TMEM63B: variants seen among roughly 807,000 people sequenced by gnomAD.
TMEM63B encodes mechanosensitive cation channel TMEM63B.
Under a neutral mutation model 102.6 loss-of-function variants are expected in TMEM63B, and 23 were observed. The observed-to-expected ratio is 0.22, with a 90% CI of 0.16 to 0.32. TMEM63B has a LOEUF of 0.32. TMEM63B is among the 10% of genes least tolerant of loss of function. The pLI, the probability that TMEM63B is intolerant of heterozygous loss-of-function variation, is 1.00. For missense variants in TMEM63B, 628 were observed against 1,095.9 expected (o/e 0.57, Z 6.03); for synonymous variants, 444 against 437.0 (o/e 1.02, Z -0.20).
rs188047823 is a variant in TMEM63B at position 44,148,408 on chromosome 6, G to A, written c.1121+23G>A. 4.0e-4 allele frequency: 639 copies of A among 1,614,098 alleles called. 5 individuals carry two copies. The African/African-American group carries it at 7.7e-3, about 20-fold the overall frequency. Reference sequence around the variant, plus strand: ...CATGTGAGTCCCCAACTCGGCCCTCGGCCCTGAGCAGCCCTCCAGGGCTCC... The same window carrying A: ...CATGTGAGTCCCCAACTCGGCCCTCAGCCCTGAGCAGCCCTCCAGGGCTCC... On this transcript the variant is annotated intron_variant, in intron 13 of 23. Coordinates refer to ENST00000323267, the MANE Select transcript of TMEM63B (RefSeq NM_018426.3). The surrounding 1 kb of genome is among the most constrained non-coding windows in gnomAD (Gnocchi z 5.1).
chr6:44,140,492 C>T (rs1316236154), intron 9 of TMEM63B, 132 bp downstream of exon 9: 1 of 742,640 alleles, frequency 1.3e-6, no homozygotes, highest in Admixed American at 2.0e-5. Context: ...CAGGAGCTCC[C>T]ATCCTGCAAG....
Position 44,150,185 on chromosome 6 carries a change from T to G in TMEM63B, c.1521-39T>G. 1 of 1,586,556 alleles carries G rather than the reference T, an allele frequency of 6.3e-7. No individual in the cohort carries two copies. The stretch of plus-strand genomic sequence containing the variant: ...GGGGGAGCAAGTCTGGGGCCTGGGC[T>G]CACTTGACCTGTACCGTTCCCTGCT... On this transcript the variant is annotated intron_variant, in intron 16 of 23. Transcript: ENST00000323267. The surrounding 1 kb of genome is among the most constrained non-coding windows in gnomAD (Gnocchi z 4.7).
rs534427517 is a variant in TMEM63B, at chr6:44,148,317, G to A, written c.1053G>A (p.Lys351=). The A allele has an allele frequency of 3.3e-5, 54 of 1,614,252 alleles. No individual in the cohort carries two copies. In the South Asian group the frequency reaches 3.5e-4, roughly 11 times the overall value. Reference sequence around the variant, plus strand: ...TGAAGGAAGACTACAAGCGGGAGAAGGAGAAGGTGAATGAGAAGCCTCTTG... The same window carrying A: ...TGAAGGAAGACTACAAGCGGGAGAAAGAGAAGGTGAATGAGAAGCCTCTTG... ...QKLKEDYKRE[K]EKVNEKPLGM... The change falls in exon 13 of 24, where the codon AAG becomes AAA. Residue 351 remains lysine (K), a synonymous_variant. Coordinates refer to ENST00000323267, the MANE Select transcript of TMEM63B (RefSeq NM_018426.3). This position sits in a 1 kb window ranked among gnomAD's most constrained non-coding sequence, Gnocchi z 5.1.
chr6:44,136,524 T>C (rs1442483002), intron 5 of TMEM63B, 85 bp downstream of exon 5: 1 of 959,804 alleles, frequency 1.0e-6, no homozygotes, highest in South Asian at 1.4e-5. Flanking sequence ...TTCAGTGATG[T>C]GGAGTCAGGG....
chr6:44,127,144 A>G (rs1424138357), upstream of TMEM63B: 1 of 132,088 alleles, frequency 7.6e-6, no homozygotes, highest in African/African-American at 2.6e-5. Context: ...GGATCCGGGT[A>G]AGGGGCCTCC....
chr6:44,154,011 AG>A, intron 21 of TMEM63B, 61 bp from the exon 22 acceptor site: 1 of 1,580,916 alleles, frequency 6.3e-7, no homozygotes, highest in South Asian at 1.1e-5. Context: ...AGAGGGTATC[AG>A]AAGCTGGGGT....
In TMEM63B at chr6:44,150,964, C is replaced by T. The variant is rs1766474828; in HGVS notation, c.1673+335C>T. ...CCCATATTCTGGGACTAACTGTGGG[C>T]GTCTCTGGAGTTCCACTTGGGAGGT... is the stretch of plus-strand genomic sequence containing the variant. On this transcript the variant is annotated intron_variant, in intron 18 of 23. Transcript: ENST00000323267. This position sits in a 1 kb window ranked among gnomAD's most constrained non-coding sequence, Gnocchi z 4.7. 1.3e-5 allele frequency among the ~76,000 whole-genome samples: 2 copies of T among 152,084 alleles called. No homozygotes were observed. Among genetic ancestry groups the T allele is most frequent in the South Asian group, 2.1e-4 (1 of 4,806 alleles).
chr6:44,146,774 T>C (rs1369121607), intron 10 of TMEM63B, 73 bp from the exon 11 acceptor site: 1 of 1,431,918 alleles, frequency 7.0e-7, no homozygotes, highest in African/African-American at 1.4e-5. Flanking sequence ...TTGAAGGTGA[T>C]GGGGTCATGG....
intron 1 of TMEM63B, among the ~76,000 whole-genome samples, chr6:44,128,674 G>T (rs1299569473): frequency 1.3e-5 from 2 of 152,256 alleles, no homozygotes; most frequent in Non-Finnish European, 2.9e-5. Flanking sequence ...CCCATTACCA[G>T]TCTGCAGCAG....
In TMEM63B at chr6:44,153,665, G is replaced by C. The variant is rs1167291302; in HGVS notation, c.1943-11G>C. The C allele has an allele frequency of 6.2e-7, 1 of 1,610,268 alleles. No individual in the cohort carries two copies. Among genetic ancestry groups the C allele is most frequent in the South Asian group, 1.1e-5 (1 of 90,912 alleles). On this transcript the variant is annotated splice_polypyrimidine_tract_variant and intron_variant, in intron 20 of 23. Transcript: ENST00000323267. ...TGGTTCCGAGGTCAGGGCCCATGTG[G>C]CTTCCCTTAGGGCTCATGTACATGC...
intron 1 of TMEM63B, chr6:44,132,422 G>A (rs1452918677): frequency 1.3e-6 from 1 of 752,178 alleles, no homozygotes; most frequent in African/African-American, 1.9e-5. Flanking sequence ...GTACTCTGGG[G>A]CTTGTTCTCA....
Position 44,154,924 on chromosome 6 carries a change from C to A in TMEM63B, c.*41C>A, listed in dbSNP as rs758247687. On this transcript the variant is annotated 3_prime_UTR_variant, in exon 24 of 24. Transcript: ENST00000323267. ...CTGGAGGCCACATCCTGCCCCACCC[C>A]ACCCCCACTCCCACGGACACTAAAA... 16 of 1,462,012 alleles carry A rather than the reference C, an allele frequency of 1.1e-5. No individual in the cohort carries two copies. The highest frequency in any genetic ancestry group is 2.5e-5 in the East Asian group (1 of 40,458). 90.6% of individuals were successfully genotyped at this position (1,462,012 alleles called of 1,614,324 possible).
rs150548237 is a variant in TMEM63B, at chr6:44,140,073, A to C, written c.603-179A>C. Among the ~76,000 whole-genome samples, 522 of 152,184 alleles carry C rather than the reference A, an allele frequency of 3.4e-3. 2 individuals are homozygous for C. Among genetic ancestry groups the C allele is most frequent in the African/African-American group, 0.012 (500 of 41,530 alleles). On this transcript the variant is annotated intron_variant, in intron 8 of 23. Transcript: ENST00000323267. ...AGGGATATTTTCATTGGAATCGAAG[A>C]ATTTTGGTGTCTAGGGGATGTGGGA...
intron 5 of TMEM63B, among the ~76,000 whole-genome samples, chr6:44,137,663 T>C (rs930027760): frequency 6.6e-6 from 1 of 151,988 alleles, no homozygotes; most frequent in African/African-American, 2.4e-5. Flanking sequence ...TCTCTGCCTT[T>C]ACATGCCTGG....
intron 6 of TMEM63B, 99 bp downstream of exon 6, chr6:44,138,616 A>T: frequency 7.0e-7 from 1 of 1,426,892 alleles, no homozygotes; most frequent in Non-Finnish European, 9.8e-7. Context: ...GGGCCTTAGC[A>T]CTCCTCGCCA....
Position 44,151,987 on chromosome 6 carries a change from C to T in TMEM63B, c.1815C>T (p.Ala605=), listed in dbSNP as rs747810198. 14 of 1,610,486 alleles carry T rather than the reference C, an allele frequency of 8.7e-6. No individual in the cohort carries two copies. The highest frequency in any genetic ancestry group is 6.7e-5 in the African/African-American group (5 of 74,784). Residue 605 remains alanine (A), a synonymous_variant, in exon 19 of 24, where the codon GCC becomes GCT. Transcript: ENST00000323267. ...MIRLCLARSA[A]ERRNVKRHQA... Reference sequence around the variant, plus strand: ...GGCTCTGCCTGGCGCGCTCGGCCGCCGAGAGGCGCAACGTGAAGCGGGTAC... The same window carrying T: ...GGCTCTGCCTGGCGCGCTCGGCCGCTGAGAGGCGCAACGTGAAGCGGGTAC...
intron 1 of TMEM63B, 57 bp from the exon 2 acceptor site, chr6:44,134,504 A>G: frequency 2.6e-6 from 4 of 1,550,138 alleles, no homozygotes; most frequent in South Asian, 1.2e-5. Context: ...CGCCCACCCT[A>G]CTGGGCCATG....
At position 44,137,279 on chromosome 6, in the gene TMEM63B, TGGCTCTCCATCA is replaced by T. The variant is rs1182182179; in HGVS notation, c.369+841_369+852del. Among the ~76,000 whole-genome samples the T allele has an allele frequency of 2.0e-5, 3 of 152,326 alleles. No individual in the cohort carries two copies. In the East Asian group the frequency reaches 5.8e-4, roughly 29 times the overall value. ...ACCTAACACACAGGTGTTACCTGCC[TGGCTCTCCATCA>T]TTAATTCCATGAGGGTAAGGAGCCT... On this transcript the variant is annotated intron_variant, in intron 5 of 23. Transcript: ENST00000323267.
At chr6:44,134,809 A>T in intron 2 of TMEM63B, 66 bp downstream of exon 2, 3 of 1,565,270 alleles carry the variant, frequency 1.9e-6, no homozygotes, top group Non-Finnish European at 2.6e-6. Flanking sequence ...AAACACTTCC[A>T]GCTCTAACCA....
Sources: allele counts gnomAD v4.1 joint callset (sites outside exome capture counted in the v4.1 genomes callset), GRCh38; gene constraint gnomAD v4.1.1; non-coding constraint Gnocchi (gnomAD v3.1); transcripts MANE v1.5; gene names NCBI Gene and HGNC (gene_info 2026-07-23, HGNC 2026-07-21).